The following HERC1 variants were observed in gnomAD, a reference collection of about 807,000 sequenced individuals.
HERC1 encodes the protein probable E3 ubiquitin-protein ligase HERC1.
A neutral mutation model predicts 554.3 loss-of-function variants in HERC1; 160 were observed. The observed-to-expected ratio is 0.29, with a 90% CI of 0.25 to 0.33. The LOEUF (loss-of-function observed/expected upper bound fraction) is 0.33. Among genes scored for constraint, HERC1 ranks in the 10% least tolerant of loss-of-function variants. HERC1 has a pLI of 1.00. For missense variants in HERC1, 4,919 were observed against 5,918.5 expected, an observed-to-expected ratio of 0.83 and a Z score of 5.54; for synonymous variants, 2,175 against 2,131.7, an observed-to-expected ratio of 1.02 and a Z score of -0.56.
At chr15:63,747,681 C>G in intron 11 of HERC1, 43 bp downstream of exon 11, 1 of 1,232,490 alleles carries the variant, frequency 8.1e-7, no homozygotes, top group Non-Finnish European at 1.2e-6. Context: ...CACACGCGCG[C>G]GCACACACAC....
chr15:63,695,831 C>T (rs927130496), intron 27 of HERC1, among the ~76,000 whole-genome samples: 1 of 152,152 alleles, frequency 6.6e-6, no homozygotes, highest in Non-Finnish European at 1.5e-5. Flanking sequence ...TCTTGAAACC[C>T]ATCCTCCCAA....
At chr15:63,753,335 G>A (rs2075312352) in intron 7 of HERC1, among the ~76,000 whole-genome samples, 1 of 152,074 alleles carries the variant, frequency 6.6e-6, no homozygotes, top group Non-Finnish European at 1.5e-5. Context: ...CACTTTAAAA[G>A]AAACATAGAC....
intron 30 of HERC1, among the ~76,000 whole-genome samples, chr15:63,693,741 C>T (rs777877927): frequency 1.3e-5 from 2 of 152,082 alleles, no homozygotes; most frequent in Non-Finnish European, 2.9e-5. Context: ...ACAGAATGGG[C>T]AGTATGGTCA....
Position 63,678,291 on chromosome 15 carries a change from T to A in HERC1, c.6624A>T (p.Val2208=). The stretch of plus-strand genomic sequence containing the variant: ...TAGTGGCCTCAGCCAGCACTGCTGC[T>A]ACTGGACTACAAATAGGGTCTCCTG... ...LLPGDPICSP[V]AAVLAEATIQ... Residue 2208 remains valine, a synonymous_variant, in exon 37 of 78, where the codon GTA becomes GTT. Transcript: ENST00000443617. 1 of 1,613,724 alleles carries A rather than the reference T, an allele frequency of 6.2e-7. No homozygotes were observed. The highest frequency in any genetic ancestry group is 8.5e-7 in the Non-Finnish European group (1 of 1,179,776).
At position 63,694,374 on chromosome 15, in the gene HERC1, C is replaced by T. The variant is rs1175772803; in HGVS notation, c.5418G>A (p.Gln1806=). 5.6e-6 allele frequency: 9 copies of T among 1,613,836 alleles called. No individual in the cohort carries two copies. The highest frequency in any genetic ancestry group is 1.1e-5 in the South Asian group (1 of 91,084). Residue 1806 remains glutamine (Q), a synonymous_variant, in exon 29 of 78, where the codon CAG becomes CAA. Coordinates refer to ENST00000443617, the MANE Select transcript of HERC1 (RefSeq NM_003922.4). The surrounding 1 kb of genome is among the most constrained non-coding windows in gnomAD (Gnocchi z 4.3). ...LQLLPKTGVS[Q]LSTALKVAST... ...TGGCCACTTTCAAAGCTGTGCTAAG[C>T]TGGGAAACACCCGTCTTTGGCAACA...
At chr15:63,802,908 G>C (rs1190986897) in intron 1 of HERC1, among the ~76,000 whole-genome samples, 1 of 152,142 alleles carries the variant, frequency 6.6e-6, no homozygotes, top group African/African-American at 2.4e-5. Flanking sequence ...TTACTCTTCA[G>C]AGCAACTCTA....
chr15:63,768,423 A>G (rs1037672947), intron 2 of HERC1, among the ~76,000 whole-genome samples: 1 of 152,256 alleles, frequency 6.6e-6, no homozygotes, highest in African/African-American at 2.4e-5. Flanking sequence ...GTATGGAATC[A>G]TATCAGAAGC....
Position 63,756,346 on chromosome 15 carries a change from T to C in HERC1, c.1533+91A>G. ...TAAGCCAAAGGGTTGAAGGGGCAAC[T>C]GCAGAAAGAACACATCAAAATCTGA... On this transcript the variant is annotated intron_variant, in intron 5 of 77. Coordinates refer to ENST00000443617, the MANE Select transcript of HERC1 (RefSeq NM_003922.4). This position sits in a 1 kb window ranked among gnomAD's most constrained non-coding sequence, Gnocchi z 5.0. 2 of 1,084,112 alleles carry C rather than the reference T, an allele frequency of 1.8e-6. No individual in the cohort carries two copies. Among genetic ancestry groups the C allele is most frequent in the Non-Finnish European group, 2.7e-6 (2 of 736,738 alleles). 67.2% of individuals were successfully genotyped at this position (1,084,112 alleles called of 1,614,324 possible). A position where few individuals can be genotyped will look rare whatever the true frequency, so the allele number is the denominator to read the frequency against.
At chr15:63,738,503 GA>G (rs1344575254) in intron 12 of HERC1, among the ~76,000 whole-genome samples, 1 of 152,122 alleles carries the variant, frequency 6.6e-6, no homozygotes, top group African/African-American at 2.4e-5. Context: ...AGAGACATAT[GA>G]AAACTATTAT....
chr15:63,717,558 T>C (rs1459834242), intron 21 of HERC1, among the ~76,000 whole-genome samples: 1 of 152,190 alleles, frequency 6.6e-6, no homozygotes, highest in African/African-American at 2.4e-5. Context: ...GGACTGTTCT[T>C]AATAAGTAGT....
chr15:63,768,951 G>C (rs1213716447), intron 2 of HERC1, among the ~76,000 whole-genome samples: 1 of 152,124 alleles, frequency 6.6e-6, no homozygotes, highest in Non-Finnish European at 1.5e-5. Flanking sequence ...TGAGAAAGAA[G>C]AGAAAATACT....
chr15:63,790,654 C>T (rs1311781334), intron 1 of HERC1, among the ~76,000 whole-genome samples: 1 of 151,888 alleles, frequency 6.6e-6, no homozygotes, highest in Non-Finnish European at 1.5e-5. Context: ...TAGTGATTGC[C>T]CAGGGGGTTG....
chr15:63,775,689 G>T lies in HERC1; in HGVS notation c.-26-40C>A. The T allele has an allele frequency of 7.8e-7, 1 of 1,280,758 alleles. No individual in the cohort carries two copies. Among genetic ancestry groups the T allele is most frequent in the African/African-American group, 1.5e-5 (1 of 66,976 alleles). 79.3% of individuals were successfully genotyped at this position (1,280,758 alleles called of 1,614,324 possible). A position where few individuals can be genotyped will look rare whatever the true frequency, so the allele number is the denominator to read the frequency against. ...GAGAAAACAGTCAAAAACATACAGA[G>T]GACTCATAAAATGTTTCCAAAATTT... On this transcript the variant is annotated intron_variant, in intron 1 of 77. Transcript: ENST00000443617. This position sits in a 1 kb window ranked among gnomAD's most constrained non-coding sequence, Gnocchi z 4.0.
chr15:63,634,611 A>T, intron 66 of HERC1, 122 bp downstream of exon 66: 5 of 685,120 alleles, frequency 7.3e-6, no homozygotes, highest in Non-Finnish European at 1.2e-5. Context: ...ATTAGACCAT[A>T]GCAAAATGTA....
rs940593686 is a variant in HERC1 at position 63,612,228 on chromosome 15, G to T, written c.14400+23C>A. 4 of 1,567,368 alleles carry T rather than the reference G, an allele frequency of 2.6e-6. No individual in the cohort carries two copies. The highest frequency in any genetic ancestry group is 1.4e-5 in the African/African-American group (1 of 73,898). ...GAAGCAATAAGGCAGACATTACAAA[G>T]GAAAAAAGAATAGCTTACTTACCCT... On this transcript the variant is annotated intron_variant, in intron 77 of 77. Transcript: ENST00000443617. The surrounding 1 kb of genome is among the most constrained non-coding windows in gnomAD (Gnocchi z 5.0).
At chr15:63,733,213 C>G in intron 13 of HERC1, 68 bp from the exon 14 acceptor site, 1 of 1,069,604 alleles carries the variant, frequency 9.3e-7, no homozygotes, top group East Asian at 2.4e-5. Flanking sequence ...CAAAAGGATC[C>G]CAGAAAAAAA....
At chr15:63,731,176 G>A (rs1029140061) in intron 14 of HERC1, among the ~76,000 whole-genome samples, 2 of 152,052 alleles carry the variant, frequency 1.3e-5, no homozygotes, top group African/African-American at 4.8e-5. Flanking sequence ...ATTTTTAGAT[G>A]TTTCTGTTAT....
rs1165131135 is a variant in HERC1, at chr15:63,796,434, G to C, written c.-26-20785C>G. Reference sequence around the variant, plus strand: ...CATCTTTGCAAAATTATGACAGTAAGAGAAATTTGACACAGTTAAGTCCAT... The same window carrying C: ...CATCTTTGCAAAATTATGACAGTAACAGAAATTTGACACAGTTAAGTCCAT... On this transcript the variant is annotated intron_variant, in intron 1 of 77. Coordinates refer to ENST00000443617, the MANE Select transcript of HERC1 (RefSeq NM_003922.4). 2.6e-5 allele frequency among the ~76,000 whole-genome samples: 4 copies of C among 152,306 alleles called. No individual in the cohort carries two copies. In the East Asian group the frequency reaches 7.7e-4, roughly 29 times the overall value.
intron 12 of HERC1, among the ~76,000 whole-genome samples, chr15:63,744,160 GTGTGTCTCTC>G (rs1567078063): frequency 8.5e-4 from 33 of 39,016 alleles, no homozygotes; most frequent in Middle Eastern, 0.015. Context: ...GTGTGTGTGT[GTGTGTCTCTC>G]TCTCTCTCTC....
Sources: gnomAD v4.1 joint callset for allele counts (sites outside exome capture counted in the v4.1 genomes callset) on GRCh38, gnomAD v4.1.1 for gene constraint, Gnocchi (gnomAD v3.1) non-coding constraint, MANE v1.5 for transcripts, NCBI Gene and HGNC (gene_info 2026-07-23, HGNC 2026-07-21) for gene names.